The following BRWD3 variants were observed in gnomAD, a reference collection of about 807,000 sequenced individuals.
BRWD3 encodes bromodomain and WD repeat-containing protein 3.
Under a neutral mutation model 149.7 loss-of-function variants are expected in BRWD3, and 10 were observed. The observed-to-expected ratio is 0.07, with a 90% CI of 0.04 to 0.11. The LOEUF (loss-of-function observed/expected upper bound fraction) is 0.11, where lower values mean the gene tolerates loss of function less well. Ranked by LOEUF, BRWD3 falls within the 10% of genes least tolerant of loss-of-function variation. The pLI, the probability that BRWD3 is intolerant of heterozygous loss-of-function variation, is 1.00. For missense variants in BRWD3, 940 were observed against 1,373.2 expected, an observed-to-expected ratio of 0.68 and a Z score of 4.99; for synonymous variants, 504 against 456.7, an observed-to-expected ratio of 1.10 and a Z score of -1.32.
Position 80,736,209 on chromosome X carries a change from ATT to A in BRWD3, c.814-123_814-122del, listed in dbSNP as rs2073402200. 4 of 487,040 alleles carry A rather than the reference ATT, an allele frequency of 8.2e-6. No homozygotes were observed. The South Asian group carries it at 1.7e-4, about 21-fold the overall frequency. 40.1% of individuals were successfully genotyped at this position (487,040 alleles called of 1,213,427 possible). A position where few individuals can be genotyped will look rare whatever the true frequency, so the allele number is the denominator to read the frequency against. On this transcript the variant is annotated intron_variant, in intron 8 of 40. Transcript: ENST00000373275. The stretch of plus-strand genomic sequence containing the variant: ...ATAATTTCAATAAATTCAGCTAAAA[ATT>A]TTTGTTTCAAGGGACTATTTAACTT...
At chrX:80,776,617 TA>T (rs1216628021) in intron 6 of BRWD3, among the ~76,000 whole-genome samples, 1 of 111,650 alleles carries the variant, frequency 9.0e-6, no homozygotes, top group Admixed American at 9.5e-5. Context: ...CAGACATAGA[TA>T]AAACCAGCTG....
intron 10 of BRWD3, among the ~76,000 whole-genome samples, chrX:80,734,626 G>A (rs143287451): frequency 1.8e-5 from 2 of 110,491 alleles, no homozygotes; most frequent in South Asian, 3.8e-4. Flanking sequence ...TGTGACAGAT[G>A]CAGACCAATG....
intron 6 of BRWD3, among the ~76,000 whole-genome samples, chrX:80,750,130 T>C (rs1442505907): frequency 9.0e-6 from 1 of 111,463 alleles, no homozygotes; most frequent in Admixed American, 9.6e-5. Context: ...TATCAAACAG[T>C]AAGGTTCCTA....
At chrX:80,683,977 C>T in intron 37 of BRWD3, 33 bp downstream of exon 37, 1 of 1,189,381 alleles carries the variant, frequency 8.4e-7, no homozygotes, top group Non-Finnish European at 1.1e-6. Context: ...TTAAAGAAAA[C>T]TGCCTGATAA....
intron 11 of BRWD3, 109 bp from the exon 12 acceptor site, chrX:80,733,605 T>TC: frequency 4.9e-6 from 3 of 613,378 alleles, no homozygotes; most frequent in Non-Finnish European, 7.8e-6. Flanking sequence ...GTTTTTTTTT[T>TC]TTTTAATTTC....
intron 19 of BRWD3, 25 bp downstream of exon 19, chrX:80,717,548 T>C: frequency 5.0e-6 from 6 of 1,193,371 alleles, no homozygotes; most frequent in Non-Finnish European, 6.8e-6. Flanking sequence ...TAAATTTTTT[T>C]CTAAATGTTA....
At chrX:80,751,583 A>G (rs2073667719) in intron 6 of BRWD3, among the ~76,000 whole-genome samples, 1 of 112,111 alleles carries the variant, frequency 8.9e-6, no homozygotes, top group Admixed American at 9.5e-5. Flanking sequence ...ACTCATACAA[A>G]TTCATGGGCT....
At chrX:80,700,441 T>TATATATATATATATATATATATATATAA (rs1269965985) in intron 24 of BRWD3, among the ~76,000 whole-genome samples, 1 of 96,041 alleles carries the variant, frequency 1.0e-5, no homozygotes, top group Non-Finnish European at 2.1e-5. Flanking sequence ...TTGATATATA[T>TATATATATATATATATATATATATATAA]AACAATACAA....
intron 6 of BRWD3, among the ~76,000 whole-genome samples, chrX:80,775,444 C>T (rs1373146498): frequency 9.0e-6 from 1 of 111,720 alleles, no homozygotes; most frequent in Admixed American, 9.6e-5. Context: ...TGGCTTTTTA[C>T]CAATTCCTAT....
At chrX:80,747,486 C>T (rs1350557510) in intron 6 of BRWD3, among the ~76,000 whole-genome samples, 7 of 96,559 alleles carry the variant, frequency 7.2e-5, no homozygotes, top group Admixed American at 2.2e-4. Context: ...AAGCAAAAAA[C>T]ATCATTACCA....
intron 6 of BRWD3, among the ~76,000 whole-genome samples, chrX:80,782,367 T>C (rs896079953): frequency 7.3e-5 from 8 of 109,753 alleles, no homozygotes; most frequent in African/African-American, 2.7e-4. Flanking sequence ...TCAAAATGGG[T>C]TGAAGACTTA....
Position 80,745,708 on chromosome X carries a change from T to C in BRWD3, c.452A>G (p.Gln151Arg), listed in dbSNP as rs1368048177. ...PNVVNITSAR[Q>R]LTGCSRFGHI... is the part of the protein sequence containing the mutation. ...ACCAAAGCGACTACAGCCGGTTAATTGCCTGGCAGAGGTGATATTCACTGA... is the reference window on the plus strand; with the variant it reads ...ACCAAAGCGACTACAGCCGGTTAATCGCCTGGCAGAGGTGATATTCACTGA... The change falls in exon 7 of 41, where the codon CAA becomes CGA. Residue 151 changes from glutamine (Q) to arginine (R), a missense_variant. By Grantham distance (43) the Gln-to-Arg change is conservative. Coordinates refer to ENST00000373275, the MANE Select transcript of BRWD3 (RefSeq NM_153252.5). The C allele has an allele frequency of 8.3e-7, 1 of 1,206,050 alleles. No individual in the cohort carries two copies. Among genetic ancestry groups the C allele is most frequent in the Non-Finnish European group, 1.1e-6 (1 of 893,010 alleles).
intron 15 of BRWD3, 58 bp from the exon 16 acceptor site, chrX:80,723,934 C>A: frequency 8.9e-7 from 1 of 1,123,009 alleles, no homozygotes; most frequent in Non-Finnish European, 1.2e-6. Context: ...AATAGATAGG[C>A]GGTAACTTCT....
rs781124974 is a variant in BRWD3 at position 80,673,122 on chromosome X, C to T, written c.*3487G>A. The T allele has an allele frequency of 1.8e-5, 2 of 111,422 alleles. No homozygotes were observed. The highest frequency in any genetic ancestry group is 3.8e-5 in the Non-Finnish European group (2 of 53,020). 9.2% of individuals were successfully genotyped at this position (111,422 alleles called of 1,213,427 possible). On this transcript the variant is annotated 3_prime_UTR_variant, in exon 41 of 41. Transcript: ENST00000373275. ...ACAACAAAAAGATAAATAACAGAAA[C>T]GTACTTAAAAGTATTAGAAGGCTGA...
chrX:80,717,840 T>A, intron 18 of BRWD3, 81 bp from the exon 19 acceptor site: 1 of 836,007 alleles, frequency 1.2e-6, no homozygotes, highest in Non-Finnish European at 1.8e-6. Flanking sequence ...AATAAAACAG[T>A]AGATTCAAAT....
chrX:80,713,096 G>T (rs1170302340), intron 20 of BRWD3, among the ~76,000 whole-genome samples: 1 of 106,189 alleles, frequency 9.4e-6, no homozygotes, highest in African/African-American at 3.5e-5. Context: ...CCGGCCAGCC[G>T]CCCCGTCCGG....
In BRWD3 at chrX:80,691,950, A is replaced by G; in HGVS notation, c.3354T>C (p.Gly1118=). The G allele has an allele frequency of 2.5e-6, 3 of 1,208,775 alleles. No homozygotes were observed. The highest frequency in any genetic ancestry group is 1.8e-5 in the South Asian group (1 of 56,518). ...GTAFPDEVGA[G]VPVSQEELTA... ...TCAATTCTTCCTGGGAGACAGGAAC[A>G]CCAGCACCAACTTCATCTGGAAAGG... The change falls in exon 30 of 41, where the codon GGT becomes GGC. Residue 1118 remains glycine (G), a synonymous_variant. Coordinates refer to ENST00000373275, the MANE Select transcript of BRWD3 (RefSeq NM_153252.5).
At chrX:80,744,694 T>G (rs754799062) in intron 7 of BRWD3, among the ~76,000 whole-genome samples, 1 of 112,162 alleles carries the variant, frequency 8.9e-6, no homozygotes, top group South Asian at 3.7e-4. Flanking sequence ...TAATTTCTGG[T>G]AAAAATATAT....
At position 80,712,951 on chromosome X, in the gene BRWD3, G is replaced by A. The variant is rs1451864076; in HGVS notation, c.2325+3206C>T. ...TGAGAAGTGAGGAGCTCCTCCGCCC[G>A]GCACCCACCCCGTCTGGGAAGTGAG... On this transcript the variant is annotated intron_variant, in intron 20 of 40. Transcript: ENST00000373275. 3.1e-4 allele frequency among the ~76,000 whole-genome samples: 34 copies of A among 109,069 alleles called. 1 individual carries two copies. Among genetic ancestry groups the A allele is most frequent in the African/African-American group, 5.7e-4 (17 of 30,066 alleles). The allele number at this position is 109,069 out of a possible 115,157, so 94.7% of individuals were successfully genotyped here. A position where few individuals can be genotyped will look rare whatever the true frequency, so the allele number is the denominator to read the frequency against.
Sources: allele counts gnomAD v4.1 joint callset (sites outside exome capture counted in the v4.1 genomes callset), GRCh38; gene constraint gnomAD v4.1.1; transcripts MANE v1.5; gene names NCBI Gene and HGNC (gene_info 2026-07-23, HGNC 2026-07-21).